The following ACSL6 variants were observed in gnomAD, a reference collection of about 807,000 sequenced individuals.
ACSL6 encodes long-chain-fatty-acid--CoA ligase 6.
A neutral mutation model predicts 98.2 loss-of-function variants in ACSL6; 47 were observed. That is an observed-to-expected ratio of 0.48 (90% CI 0.38 to 0.61). The LOEUF (loss-of-function observed/expected upper bound fraction) is 0.61, where lower values mean the gene tolerates loss of function less well. ACSL6 is among the 20% of genes least tolerant of loss of function. The pLI is 0.00. For missense variants in ACSL6, 761 were observed against 913.4 expected, an observed-to-expected ratio of 0.83 and a Z score of 2.15; for synonymous variants, 362 against 336.9, an observed-to-expected ratio of 1.07 and a Z score of -0.82.
chr5:131,992,360 CA>C (rs1296827935), intron 2 of ACSL6, among the ~76,000 whole-genome samples: 1 of 152,170 alleles, frequency 6.6e-6, no homozygotes, highest in African/African-American at 2.4e-5. Context: ...CACCACACAG[CA>C]GGCACAGTCA....
intron 2 of ACSL6, chr5:131,993,387 G>A (rs1754627537): frequency 6.5e-6 from 1 of 154,744 alleles, no homozygotes; most frequent in Non-Finnish European, 1.4e-5. Flanking sequence ...GAGCAAGGAA[G>A]AAGACACAAG....
intron 1 of ACSL6, among the ~76,000 whole-genome samples, chr5:132,009,175 C>T (rs1198282404): frequency 3.9e-5 from 6 of 152,228 alleles, no homozygotes; most frequent in Non-Finnish European, 7.3e-5. Context: ...ACAGTCAGCT[C>T]CTCCTCCTGG....
intron 7 of ACSL6, 115 bp from the exon 8 acceptor site, chr5:131,986,969 ATACC>A: frequency 8.3e-6 from 8 of 966,620 alleles, no homozygotes; most frequent in South Asian, 2.8e-5. Flanking sequence ...ACACACACAC[ATACC>A]CACACACTCA....
At chr5:131,971,267 A>G (rs1393077118) in intron 14 of ACSL6, among the ~76,000 whole-genome samples, 1 of 152,192 alleles carries the variant, frequency 6.6e-6, no homozygotes, top group Non-Finnish European at 1.5e-5. Flanking sequence ...CCGCACATTG[A>G]TGATCTGTCT....
intron 1 of ACSL6, among the ~76,000 whole-genome samples, chr5:132,000,056 T>C (rs1356071549): frequency 1.3e-5 from 2 of 151,950 alleles, no homozygotes; most frequent in Non-Finnish European, 2.9e-5. Flanking sequence ...ATGGGGATGC[T>C]AGCTCTCTGG....
At chr5:131,974,466 G>A (rs1371360011) in intron 11 of ACSL6, among the ~76,000 whole-genome samples, 1 of 152,218 alleles carries the variant, frequency 6.6e-6, no homozygotes, top group East Asian at 1.9e-4. Flanking sequence ...AGCTTGAATG[G>A]TAAAGCACTT....
intron 1 of ACSL6, among the ~76,000 whole-genome samples, chr5:131,997,478 A>G (rs558469923): frequency 2.0e-5 from 3 of 152,200 alleles, no homozygotes; most frequent in Non-Finnish European, 4.4e-5. Context: ...ACAGACAACC[A>G]GCTCCAGCTG....
At chr5:131,974,760 G>A in intron 11 of ACSL6, 133 bp downstream of exon 11, 1 of 1,607,802 alleles carries the variant, frequency 6.2e-7, no homozygotes, top group Non-Finnish European at 8.5e-7. Flanking sequence ...GGCCTTACCT[G>A]CACCATTCGC....
intron 1 of ACSL6, among the ~76,000 whole-genome samples, chr5:131,995,816 T>G (rs899771882): frequency 1.3e-5 from 2 of 152,206 alleles, no homozygotes; most frequent in Admixed American, 1.3e-4. Flanking sequence ...TCTCTGAACC[T>G]CCACTTCCCC....
Position 131,967,699 on chromosome 5 carries a change from T to TAATAATAA in ACSL6, c.1596+240_1596+241insTTATTATT, listed in dbSNP as rs5871437. On this transcript the variant is annotated intron_variant, in intron 16 of 20. Coordinates refer to ENST00000651883, the MANE Select transcript of ACSL6 (RefSeq NM_001009185.3). ...ATAATAATAATAATAATAATAATAA[T>TAATAATAA]TAATTAATTTAAAAATCTGGGAATT... Among the ~76,000 whole-genome samples the TAATAATAA allele has an allele frequency of 8.3e-4, 99 of 119,680 alleles. 1 individual carries two copies. The highest frequency in any genetic ancestry group is 1.1e-3 in the Non-Finnish European group (57 of 50,852). 78.5% of individuals were successfully genotyped at this position (119,680 alleles called of 152,430 possible).
At chr5:132,001,631 G>A (rs1755089983) in intron 1 of ACSL6, among the ~76,000 whole-genome samples, 1 of 152,146 alleles carries the variant, frequency 6.6e-6, no homozygotes, top group Non-Finnish European at 1.5e-5. Context: ...TAGCTCTGAT[G>A]GTTCAATTAA....
At chr5:131,980,821 G>C (rs2126858070) in intron 9 of ACSL6, among the ~76,000 whole-genome samples, 1 of 151,982 alleles carries the variant, frequency 6.6e-6, no homozygotes, top group East Asian at 1.9e-4. Context: ...CTCACCTCTT[G>C]GGCCTCCCCA....
chr5:131,957,370 A>G (rs559518046), intron 20 of ACSL6, among the ~76,000 whole-genome samples: 137 of 152,376 alleles, frequency 9.0e-4, no homozygotes, highest in African/African-American at 3.2e-3. Context: ...GCAAATTAAT[A>G]AGGCATATAA....
At chr5:131,957,606 T>C (rs1177383800) in intron 20 of ACSL6, among the ~76,000 whole-genome samples, 2 of 152,248 alleles carry the variant, frequency 1.3e-5, no homozygotes, top group Non-Finnish European at 2.9e-5. Context: ...AAAGCTTTTG[T>C]TGAATGACTT....
intron 1 of ACSL6, among the ~76,000 whole-genome samples, chr5:131,996,436 T>C (rs530102379): frequency 1.3e-5 from 2 of 152,206 alleles, no homozygotes; most frequent in African/African-American, 4.8e-5. Flanking sequence ...TAGTAGAAAA[T>C]CCAGACATGC....
At chr5:131,992,576 C>T (rs1182963855) in intron 2 of ACSL6, among the ~76,000 whole-genome samples, 4 of 152,178 alleles carry the variant, frequency 2.6e-5, no homozygotes, top group African/African-American at 9.7e-5. Context: ...GTGACTCACT[C>T]AGTGGCCCCT....
chr5:131,996,741 G>A (rs1036286356), intron 1 of ACSL6, among the ~76,000 whole-genome samples: 8 of 152,172 alleles, frequency 5.3e-5, no homozygotes, highest in Non-Finnish European at 1.0e-4. Flanking sequence ...GTCTTTCAAC[G>A]CATCTGGCAG....
intron 5 of ACSL6, 31 bp from the exon 6 acceptor site, chr5:131,988,935 A>C: frequency 1.3e-6 from 2 of 1,594,724 alleles, no homozygotes; most frequent in South Asian, 1.1e-5. Flanking sequence ...GGGGTGGGGA[A>C]GAAGGGGAGA....
Position 131,952,658 on chromosome 5 carries a change from T to C in ACSL6, c.*1576A>G, listed in dbSNP as rs17132129. ...AGAGGCACAATCTATAGCTTGGAAC[T>C]TAATTGCTGTCCATGGTATCTGGCC... On this transcript the variant is annotated 3_prime_UTR_variant, in exon 21 of 21. Transcript: ENST00000651883. The C allele has an allele frequency of 6.7e-3, 1,442 of 214,272 alleles. 23 individuals carry two copies. The highest frequency in any genetic ancestry group is 0.029 in the African/African-American group (1,281 of 44,338). The allele number at this position is 214,272 out of a possible 1,614,324, so 13.3% of individuals were successfully genotyped here. A position where few individuals can be genotyped will look rare whatever the true frequency, so the allele number is the denominator to read the frequency against.
Sources: allele counts gnomAD v4.1 joint callset (sites outside exome capture counted in the v4.1 genomes callset), GRCh38; gene constraint gnomAD v4.1.1; transcripts MANE v1.5; gene names NCBI Gene and HGNC (gene_info 2026-07-23, HGNC 2026-07-21).